The following GARIN5B variants were observed in gnomAD, a reference collection of about 807,000 sequenced individuals.
GARIN5B encodes the protein Golgi-associated RAB2 interactor protein 5B.
the GARIN5B span, among the ~76,000 whole-genome samples, chr19:55,356,546 T>C: frequency 3.9e-5 from 6 of 151,970 alleles, no homozygotes; most frequent in African/African-American, 1.4e-4. Context: ...GACCTCGTGA[T>C]CCACCCTCCT....
the GARIN5B span, chr19:55,359,873 C>T: frequency 2.6e-6 from 4 of 1,551,514 alleles, no homozygotes; most frequent in Middle Eastern, 1.7e-4. Context: ...CAGGGAGCTG[C>T]AGGAGCCCAG....
At chr19:55,360,292 T>C in the GARIN5B span, among the ~76,000 whole-genome samples, 1 of 79,116 alleles carries the variant, frequency 1.3e-5, no homozygotes, top group Non-Finnish European at 2.4e-5. Flanking sequence ...TCCCTCAGAC[T>C]CAGGAGTCCA....
At chr19:55,358,016 C>T in the GARIN5B span, 26 of 1,075,772 alleles carry the variant, frequency 2.4e-5, no homozygotes, top group Non-Finnish European at 2.9e-5. Context: ...ATCATACCAC[C>T]GCACTCCAGC....
At chr19:55,355,149 C>T in the GARIN5B span, 2 of 109,940 alleles carry the variant, frequency 1.8e-5, no homozygotes, top group African/African-American at 3.4e-5. Context: ...TGGGAACCCC[C>T]CCGCCCCCCT....
the GARIN5B span, chr19:55,363,249 C>T: frequency 1.5e-5 from 8 of 541,004 alleles, no homozygotes; most frequent in East Asian, 3.5e-5. This position sits in a 1 kb window ranked among gnomAD's most constrained non-coding sequence, Gnocchi z 4.0. Context: ...CCAGGGTGGA[C>T]AGCAGGGGTC....
the GARIN5B span, chr19:55,362,989 C>A: frequency 2.0e-6 from 3 of 1,483,832 alleles, no homozygotes. Context: ...GGGTCTTTTG[C>A]AGCTCCCCCA....
At chr19:55,358,534 CTGCTCCTTCATCTCGCCCCAT>C in the GARIN5B span, 5 of 33,536 alleles carry the variant, frequency 1.5e-4, no homozygotes, top group African/African-American at 4.8e-4. Flanking sequence ...CGCCCCATGG[CTGCTCCTTCATCTCGCCCCAT>C]GGCCGCTTGC....
chr19:55,359,744 T>C, the GARIN5B span: 2 of 1,549,022 alleles, frequency 1.3e-6, no homozygotes, highest in South Asian at 2.4e-5. Flanking sequence ...GATGGAAGAG[T>C]AGGGTGTGGA....
chr19:55,358,017 G>A, the GARIN5B span: 12 of 1,071,868 alleles, frequency 1.1e-5, no homozygotes, highest in East Asian at 3.1e-5. Flanking sequence ...TCATACCACC[G>A]CACTCCAGCC....
At chr19:55,358,510 TGGCTCCTTC>T in the GARIN5B span, 2 of 1,522,188 alleles carry the variant, frequency 1.3e-6, no homozygotes, top group Non-Finnish European at 1.8e-6. Flanking sequence ...GGTCCCAGGG[TGGCTCCTTC>T]ATCTCGCCCC....
chr19:55,361,861 G>GT, the GARIN5B span, among the ~76,000 whole-genome samples: 3,770 of 65,734 alleles, frequency 0.057, 464 homozygotes, highest in Middle Eastern at 0.16. Flanking sequence ...CAGACTGCCA[G>GT]CCCTTCACCC....
At chr19:55,355,378 GGGGGACAGGGTA>G in the GARIN5B span, 1 of 1,549,182 alleles carries the variant, frequency 6.5e-7, no homozygotes, top group Non-Finnish European at 8.7e-7. Context: ...AGAGAGCTTT[GGGGGACAGGGTA>G]GGGAGAGAGG....
the GARIN5B span, chr19:55,358,179 G>C: frequency 6.6e-7 from 1 of 1,524,984 alleles, no homozygotes; most frequent in Non-Finnish European, 8.8e-7. Flanking sequence ...GATTCCTCCT[G>C]TATCTCCTCT....
chr19:55,355,435 C>T, the GARIN5B span: 3 of 1,341,926 alleles, frequency 2.2e-6, no homozygotes, highest in African/African-American at 1.5e-5. Flanking sequence ...AGATGCCTGG[C>T]TTAGGAGAGC....
the GARIN5B span, chr19:55,360,975 AC>A: frequency 6.5e-7 from 1 of 1,547,988 alleles, no homozygotes; most frequent in Admixed American, 2.0e-5. Context: ...CCACCCACCC[AC>A]CGGCAACAAG....
At chr19:55,360,125 C>A in the GARIN5B span, 1 of 592,314 alleles carries the variant, frequency 1.7e-6, no homozygotes. Flanking sequence ...GTCCAGGCCC[C>A]CAGCCCCTCC....
At chr19:55,358,254 A>T in the GARIN5B span, 2 of 1,551,004 alleles carry the variant, frequency 1.3e-6, no homozygotes, top group South Asian at 2.4e-5. Flanking sequence ...ATTTCTGAAG[A>T]CGACCCCACA....
chr19:55,361,137 G>A, the GARIN5B span: 2 of 1,551,102 alleles, frequency 1.3e-6, no homozygotes, highest in South Asian at 1.2e-5. Flanking sequence ...GTTAGACAGG[G>A]GCAGCCCCTT....
At chr19:55,362,919 G>A in the GARIN5B span, 1 of 1,501,968 alleles carries the variant, frequency 6.7e-7, no homozygotes, top group South Asian at 1.3e-5. Flanking sequence ...CTGGAGACCT[G>A]AACAAAGTTA....
Sources: gnomAD v4.1 joint callset for allele counts (sites outside exome capture counted in the v4.1 genomes callset) on GRCh38, gnomAD v4.1.1 for gene constraint, Gnocchi (gnomAD v3.1) non-coding constraint, MANE v1.5 for transcripts, NCBI Gene and HGNC (gene_info 2026-07-23, HGNC 2026-07-21) for gene names.